The following LEF1 variants were observed in gnomAD, a reference collection of about 807,000 sequenced individuals.
The protein encoded by LEF1 is lymphoid enhancer-binding factor 1.
Under a neutral mutation model 51.2 loss-of-function variants are expected in LEF1, and 14 were observed. The observed-to-expected ratio is 0.27, with a 90% CI of 0.18 to 0.43. The LOEUF (loss-of-function observed/expected upper bound fraction) is 0.43, where lower values mean the gene tolerates loss of function less well. Ranked by LOEUF, LEF1 falls within the 20% of genes least tolerant of loss-of-function variation. The pLI is 1.00. For synonymous variants in LEF1, 185 were observed against 183.2 expected (o/e 1.01, Z -0.08); for missense variants, 386 against 512.0 (o/e 0.75, Z 2.37).
chr4:108,138,747 G>A (rs1253155879), intron 3 of LEF1, among the ~76,000 whole-genome samples: 4 of 152,246 alleles, frequency 2.6e-5, no homozygotes, highest in Admixed American at 2.6e-4. Flanking sequence ...TATGAGAATA[G>A]AAGAGCTGAG....
At chr4:108,074,770 C>T (rs770444407) in intron 8 of LEF1, among the ~76,000 whole-genome samples, 1 of 152,158 alleles carries the variant, frequency 6.6e-6, no homozygotes, top group Non-Finnish European at 1.5e-5. Context: ...TAAGAACCAT[C>T]CTTTAGGACA....
intron 2 of LEF1, 53 bp from the exon 3 acceptor site, chr4:108,163,754 C>G (rs752456432): frequency 6.4e-7 from 1 of 1,565,894 alleles, no homozygotes; most frequent in Non-Finnish European, 8.7e-7. Flanking sequence ...TTTTATATTA[C>G]TGTATTTTTC....
At chr4:108,061,969 A>C (rs1237350150) in intron 11 of LEF1, among the ~76,000 whole-genome samples, 2 of 152,232 alleles carry the variant, frequency 1.3e-5, no homozygotes, top group Non-Finnish European at 2.9e-5. Context: ...ATAAAGATGA[A>C]GAAAGTTTCA....
chr4:108,118,210 T>C (rs1453842086), intron 3 of LEF1, among the ~76,000 whole-genome samples: 1 of 152,242 alleles, frequency 6.6e-6, no homozygotes, highest in East Asian at 1.9e-4. Flanking sequence ...TTTATTTCCA[T>C]TGCATTGTTT....
chr4:108,144,789 C>T (rs1394435484), intron 3 of LEF1, among the ~76,000 whole-genome samples: 1 of 141,718 alleles, frequency 7.1e-6, no homozygotes, highest in Non-Finnish European at 1.5e-5. Context: ...CAGCCCACAG[C>T]TCAGTGTGCA....
intron 3 of LEF1, among the ~76,000 whole-genome samples, chr4:108,106,862 A>T (rs575340984): frequency 8.5e-5 from 13 of 152,358 alleles, no homozygotes; most frequent in African/African-American, 2.2e-4. Context: ...ACATATTTAC[A>T]TTCCTTTTCT....
intron 11 of LEF1, among the ~76,000 whole-genome samples, chr4:108,063,093 C>T (rs1038802473): frequency 6.6e-6 from 1 of 152,050 alleles, no homozygotes; most frequent in Non-Finnish European, 1.5e-5. Flanking sequence ...TAAATAAGTG[C>T]CCATGCCATA....
At chr4:108,089,054 T>G in intron 4 of LEF1, 71 bp downstream of exon 4, 2 of 1,575,742 alleles carry the variant, frequency 1.3e-6, no homozygotes, top group Non-Finnish European at 1.7e-6. Flanking sequence ...ATCTGGAAGG[T>G]CACTCAGGCT....
In LEF1 at chr4:108,064,332, C is replaced by G; in HGVS notation, c.1165+4G>C. The G allele has an allele frequency of 6.2e-7, 1 of 1,609,734 alleles. No homozygotes were observed. Among genetic ancestry groups the G allele is most frequent in the Non-Finnish European group, 8.5e-7 (1 of 1,176,126 alleles). ...GATTGACTGGAAAGTCTCATGGTGC[C>G]TACCTGATGCAGATTCCTGTAGTTT... On this transcript the variant is annotated splice_donor_region_variant and intron_variant, in intron 10 of 11. Transcript: ENST00000265165.
chr4:108,073,653 G>C (rs924420753), intron 8 of LEF1, among the ~76,000 whole-genome samples: 1 of 152,008 alleles, frequency 6.6e-6, no homozygotes, highest in African/African-American at 2.4e-5. Flanking sequence ...TCCCAAAATA[G>C]GTATCAAGTT....
intron 3 of LEF1, among the ~76,000 whole-genome samples, chr4:108,092,665 G>A (rs1740098799): frequency 6.9e-6 from 1 of 144,000 alleles, no homozygotes; most frequent in African/African-American, 2.4e-5. Context: ...CTTGTGGGGA[G>A]TAGGTAAGCG....
At chr4:108,088,577 A>C (rs902642248) in intron 4 of LEF1, among the ~76,000 whole-genome samples, 2 of 152,246 alleles carry the variant, frequency 1.3e-5, no homozygotes. Context: ...AACAAAGTAG[A>C]AGCAAATATT....
chr4:108,162,373 G>T (rs1282848879), intron 3 of LEF1, among the ~76,000 whole-genome samples: 3 of 152,128 alleles, frequency 2.0e-5, no homozygotes, highest in Non-Finnish European at 4.4e-5. Context: ...GATCATATTT[G>T]ATATAAGTAT....
intron 3 of LEF1, among the ~76,000 whole-genome samples, chr4:108,119,397 A>G (rs1742029360): frequency 6.6e-6 from 1 of 151,942 alleles, no homozygotes; most frequent in African/African-American, 2.4e-5. Flanking sequence ...CTCATCATAA[A>G]TTTTCATTCA....
At chr4:108,079,086 TTGGAGCCAGGGTAAC>T (rs758748556) in intron 7 of LEF1, among the ~76,000 whole-genome samples, 12 of 152,240 alleles carry the variant, frequency 7.9e-5, no homozygotes, top group Non-Finnish European at 8.8e-5. Context: ...CTGTTGAAGC[TTGGAGCCAGGGTAAC>T]TGCACTTCCA....
intron 11 of LEF1, among the ~76,000 whole-genome samples, chr4:108,059,544 C>T (rs1164118601): frequency 6.6e-6 from 1 of 152,130 alleles, no homozygotes; most frequent in Non-Finnish European, 1.5e-5. Context: ...TCTCAAACTC[C>T]TACCCTCAAG....
intron 11 of LEF1, among the ~76,000 whole-genome samples, chr4:108,061,286 T>C (rs1737676037): frequency 6.6e-6 from 1 of 152,046 alleles, no homozygotes; most frequent in African/African-American, 2.4e-5. Flanking sequence ...ATCTTAACCT[T>C]AAGAAAATAT....
At chr4:108,143,553 A>G (rs1743805036) in intron 3 of LEF1, among the ~76,000 whole-genome samples, 1 of 152,202 alleles carries the variant, frequency 6.6e-6, no homozygotes, top group African/African-American at 2.4e-5. Flanking sequence ...TGATTCTATC[A>G]TTAGCCTTCT....
At chr4:108,108,486 T>C (rs182013920) in intron 3 of LEF1, among the ~76,000 whole-genome samples, 26 of 152,264 alleles carry the variant, frequency 1.7e-4, no homozygotes, top group Admixed American at 1.5e-3. Context: ...ACCTAAAGCA[T>C]GACATAAAGA....
Sources: gnomAD v4.1 joint callset for allele counts (sites outside exome capture counted in the v4.1 genomes callset) on GRCh38, gnomAD v4.1.1 for gene constraint, MANE v1.5 for transcripts, NCBI Gene and HGNC (gene_info 2026-07-23, HGNC 2026-07-21) for gene names.